Variants in NRBF2 observed in about 807,000 individuals in gnomAD.
NRBF2 encodes the protein nuclear receptor binding factor 2.
A neutral mutation model predicts 28.5 loss-of-function variants in NRBF2; 12 were observed. The ratio of observed to expected loss-of-function variants is 0.42; its 90% CI spans 0.27 to 0.68. The LOEUF (loss-of-function observed/expected upper bound fraction) is 0.68. Ranked by LOEUF, NRBF2 falls within the 30% of genes least tolerant of loss-of-function variation. The pLI, the probability that NRBF2 is intolerant of heterozygous loss-of-function variation, is 0.24. For missense variants in NRBF2, 274 were observed against 333.5 expected (o/e 0.82, Z 1.39); for synonymous variants, 102 against 116.5 (o/e 0.88, Z 0.80).
chr10:63,146,153 A>G lies in NRBF2; in HGVS notation c.31-56A>G, dbSNP rs987821234. On this transcript the variant is annotated intron_variant, in intron 1 of 3. Transcript: ENST00000277746. ...TTCTTAAAAGGTAGTTGCTTTTTGAAAGAAATCATGTTTTATTTTATGATC... is the reference window on the plus strand; with the variant it reads ...TTCTTAAAAGGTAGTTGCTTTTTGAGAGAAATCATGTTTTATTTTATGATC... 4 of 1,421,992 alleles carry G rather than the reference A, an allele frequency of 2.8e-6. No homozygotes were observed. In the African/African-American group the frequency reaches 4.2e-5, roughly 15 times the overall value. The allele number at this position is 1,421,992 out of a possible 1,614,324, so 88.1% of individuals were successfully genotyped here. A position where few individuals can be genotyped will look rare whatever the true frequency, so the allele number is the denominator to read the frequency against.
intron 1 of NRBF2, among the ~76,000 whole-genome samples, chr10:63,144,962 C>T (rs1841536130): frequency 2.0e-5 from 3 of 152,114 alleles, no homozygotes; most frequent in Admixed American, 1.3e-4. Flanking sequence ...TTATCTCTGC[C>T]TTTCTCCTTG....
Position 63,153,973 on chromosome 10 carries a change from C to T in NRBF2, c.619C>T (p.Leu207=), listed in dbSNP as rs1314279354. The T allele has an allele frequency of 6.2e-7, 1 of 1,611,842 alleles. No homozygotes were observed. Among genetic ancestry groups the T allele is most frequent in the Non-Finnish European group, 8.5e-7 (1 of 1,179,820 alleles). ...ACTAAAGGCTGAAAAGGCCAGACTT[C>T]TAAAAGGTCCAATAGAAAAGGAGCT... ...KQLKAEKARL[L]KGPIEKELDV... Residue 207 remains leucine, a synonymous_variant, in exon 4 of 4, where the codon CTA becomes TTA. Transcript: ENST00000277746.
In NRBF2 at chr10:63,133,374, G is replaced by C; in HGVS notation, c.-97G>C. ...GGCTCTTGGGGCGCAGAGAGGGGCC[G>C]CAGTCTCCGCGGCTGCGTCGAGCTC... On this transcript the variant is annotated 5_prime_UTR_variant, in exon 1 of 4. Transcript: ENST00000277746. The C allele has an allele frequency of 7.1e-7, 1 of 1,415,352 alleles. No individual in the cohort carries two copies. The highest frequency in any genetic ancestry group is 9.8e-7 in the Non-Finnish European group (1 of 1,017,406). 87.7% of individuals were successfully genotyped at this position (1,415,352 alleles called of 1,614,324 possible). A position where few individuals can be genotyped will look rare whatever the true frequency, so the allele number is the denominator to read the frequency against.
chr10:63,152,628 T>C (rs1185823336), intron 3 of NRBF2, among the ~76,000 whole-genome samples: 1 of 152,232 alleles, frequency 6.6e-6, no homozygotes, highest in Non-Finnish European at 1.5e-5. Flanking sequence ...GTTCAGGCAC[T>C]TTTAAATTTG....
chr10:63,142,565 A>G (rs1841489829), intron 1 of NRBF2, among the ~76,000 whole-genome samples: 1 of 152,036 alleles, frequency 6.6e-6, no homozygotes, highest in African/African-American at 2.4e-5. Flanking sequence ...TAATAGTATC[A>G]AAACATGTTC....
intron 3 of NRBF2, 38 bp from the exon 4 acceptor site, chr10:63,153,473 A>G (rs1365109336): frequency 5.4e-6 from 8 of 1,479,062 alleles, no homozygotes; most frequent in Non-Finnish European, 7.4e-6. Context: ...AGATACTTAA[A>G]ATATTCTTCC....
chr10:63,133,518 T>C lies in NRBF2; in HGVS notation c.30+18T>C, dbSNP rs2132671910. 1 of 1,587,820 alleles carries C rather than the reference T, an allele frequency of 6.3e-7. No homozygotes were observed. Among genetic ancestry groups the C allele is most frequent in the Non-Finnish European group, 8.6e-7 (1 of 1,157,824 alleles). On this transcript the variant is annotated intron_variant, in intron 1 of 3. Coordinates refer to ENST00000277746, the MANE Select transcript of NRBF2 (RefSeq NM_030759.5). ...TCAACCTGGTGAGTGTCCCACAGAA[T>C]ATAGCGTTCGTCTTGGGTGCCTTTG...
chr10:63,153,418 G>C lies in NRBF2; in HGVS notation c.157-93G>C, dbSNP rs142561882. ...AGTAAATTGTAAATTGTAAGTGTTG[G>C]GTTATTCACAAAGGATTTTGAATAG... On this transcript the variant is annotated intron_variant, in intron 3 of 3. Coordinates refer to ENST00000277746, the MANE Select transcript of NRBF2 (RefSeq NM_030759.5). 749 of 940,460 alleles carry C rather than the reference G, an allele frequency of 8.0e-4. 3 individuals are homozygous for C. The African/African-American group carries it at 0.012, about 14-fold the overall frequency. 58.3% of individuals were successfully genotyped at this position (940,460 alleles called of 1,614,324 possible). A position where few individuals can be genotyped will look rare whatever the true frequency, so the allele number is the denominator to read the frequency against.
intron 2 of NRBF2, among the ~76,000 whole-genome samples, chr10:63,147,744 T>C (rs1276868169): frequency 1.3e-5 from 2 of 151,976 alleles, no homozygotes; most frequent in African/African-American, 4.8e-5. Context: ...CTCCTAATGC[T>C]ATCCCTCCCC....
At chr10:63,145,415 G>C (rs986614508) in intron 1 of NRBF2, among the ~76,000 whole-genome samples, 1 of 152,096 alleles carries the variant, frequency 6.6e-6, no homozygotes, top group South Asian at 2.1e-4. Context: ...CACCATGTTG[G>C]CCAGGCTGGT....
At chr10:63,153,015 C>A (rs114479456) in intron 3 of NRBF2, among the ~76,000 whole-genome samples, 19 of 152,202 alleles carry the variant, frequency 1.2e-4, no homozygotes, top group Admixed American at 7.2e-4. Flanking sequence ...TATAAAATAT[C>A]TTTTTAAAAA....
chr10:63,136,219 A>G (rs575809707), intron 1 of NRBF2, among the ~76,000 whole-genome samples: 55 of 142,728 alleles, frequency 3.9e-4, no homozygotes, highest in Non-Finnish European at 6.8e-4. Flanking sequence ...TGCAGCCTCC[A>G]CCTCCCGGGT....
intron 1 of NRBF2, among the ~76,000 whole-genome samples, chr10:63,134,340 T>C (rs945864636): frequency 3.3e-5 from 5 of 152,226 alleles, no homozygotes; most frequent in African/African-American, 1.2e-4. Context: ...CCATTTTGGA[T>C]GTAAAAGTCA....
chr10:63,154,230 A>G lies in NRBF2; in HGVS notation c.*12A>G. 1.3e-6 allele frequency: 2 copies of G among 1,489,692 alleles called. No individual in the cohort carries two copies. Among genetic ancestry groups the G allele is most frequent in the South Asian group, 2.4e-5 (2 of 84,194 alleles). The allele number at this position is 1,489,692 out of a possible 1,614,324, so 92.3% of individuals were successfully genotyped here. A position where few individuals can be genotyped will look rare whatever the true frequency, so the allele number is the denominator to read the frequency against. ...TTATGAATAATTAAAATGGAAGGCC[A>G]CAGAAAAGGGGAAAAGAGGAAATAA... On this transcript the variant is annotated 3_prime_UTR_variant, in exon 4 of 4. Transcript: ENST00000277746.
intron 2 of NRBF2, 94 bp from the exon 3 acceptor site, chr10:63,152,056 T>G: frequency 1.1e-6 from 1 of 888,192 alleles, no homozygotes. Context: ...AGACCAGTTC[T>G]CTTTGTCATA....
rs1405386895 is a variant in NRBF2 at position 63,154,430 on chromosome 10, G to A, written c.*212G>A. Reference sequence around the variant, plus strand: ...TTCACTCACTTCAGCTAATGATTCCGACTTGGCAGACGCTAAACTCATGGA... The same window carrying A: ...TTCACTCACTTCAGCTAATGATTCCAACTTGGCAGACGCTAAACTCATGGA... On this transcript the variant is annotated 3_prime_UTR_variant, in exon 4 of 4. Transcript: ENST00000277746. The A allele has an allele frequency of 4.6e-6, 2 of 436,368 alleles. No homozygotes were observed. Among genetic ancestry groups the A allele is most frequent in the Non-Finnish European group, 4.1e-6 (1 of 246,294 alleles). 27.0% of individuals were successfully genotyped at this position (436,368 alleles called of 1,614,324 possible). A position where few individuals can be genotyped will look rare whatever the true frequency, so the allele number is the denominator to read the frequency against.
intron 1 of NRBF2, among the ~76,000 whole-genome samples, chr10:63,145,029 C>T (rs947782783): frequency 6.6e-6 from 1 of 151,570 alleles, no homozygotes; most frequent in Non-Finnish European, 1.5e-5. Context: ...GTCTTTTGGG[C>T]CTCCTTATGT....
intron 2 of NRBF2, among the ~76,000 whole-genome samples, chr10:63,147,382 C>T (rs1841578484): frequency 6.6e-6 from 1 of 151,472 alleles, no homozygotes; most frequent in South Asian, 2.1e-4. Context: ...TGCAGTGGCA[C>T]CGTCTCAGCT....
At chr10:63,152,768 AG>A (rs1841668967) in intron 3 of NRBF2, among the ~76,000 whole-genome samples, 1 of 152,208 alleles carries the variant, frequency 6.6e-6, no homozygotes, top group Non-Finnish European at 1.5e-5. Context: ...AGGCCAAGGC[AG>A]GGGGATCACT....
Sources: allele counts gnomAD v4.1 joint callset (sites outside exome capture counted in the v4.1 genomes callset), GRCh38; gene constraint gnomAD v4.1.1; transcripts MANE v1.5; gene names NCBI Gene and HGNC (gene_info 2026-07-23, HGNC 2026-07-21).